TRAPPC10: variants seen among roughly 807,000 people sequenced by gnomAD.
TRAPPC10 encodes the protein trafficking protein particle complex subunit 10, also known as TRAPP 130 kDa subunit.
TRAPPC10 carries 23 observed loss-of-function variants against 125.5 expected under a neutral mutation model. The observed-to-expected ratio is 0.18, with a 90% CI of 0.13 to 0.26. TRAPPC10 has a LOEUF of 0.26. Ranked by LOEUF, TRAPPC10 falls within the 10% of genes least tolerant of loss-of-function variation. The pLI, the probability that TRAPPC10 is intolerant of heterozygous loss-of-function variation, is 1.00. For missense variants in TRAPPC10, 1,123 were observed against 1,308.4 expected (o/e 0.86, Z 2.19); for synonymous variants, 509 against 518.0 (o/e 0.98, Z 0.24).
chr21:44,052,211 G>A, intron 3 of TRAPPC10, 69 bp from the exon 4 acceptor site: 1 of 1,337,076 alleles, frequency 7.5e-7, no homozygotes, highest in Non-Finnish European at 1.0e-6. Context: ...GCTGTTATTA[G>A]GCACATTTTG....
intron 1 of TRAPPC10, among the ~76,000 whole-genome samples, chr21:44,028,947 G>T (rs2238708): frequency 0.36 from 54,975 of 152,164 alleles, 15,522 homozygotes; most frequent in African/African-American, 0.79. Context: ...AGTTCAGCCC[G>T]CAGAGCTCTA....
At chr21:44,020,441 A>G (rs2032387386) in intron 1 of TRAPPC10, among the ~76,000 whole-genome samples, 1 of 151,932 alleles carries the variant, frequency 6.6e-6, no homozygotes, top group Non-Finnish European at 1.5e-5. Flanking sequence ...TCTTATTTTT[A>G]ACTGAGATCT....
intron 19 of TRAPPC10, 95 bp from the exon 20 acceptor site, chr21:44,093,968 A>C (rs780582133): frequency 2.2e-4 from 304 of 1,360,726 alleles, no homozygotes; most frequent in Non-Finnish European, 2.9e-4. Flanking sequence ...GTGTCTGCTC[A>C]GCACCCTTCG....
intron 3 of TRAPPC10, among the ~76,000 whole-genome samples, chr21:44,050,387 A>T (rs1601663066): frequency 9.1e-6 from 1 of 109,982 alleles, no homozygotes; most frequent in South Asian, 2.7e-4. Context: ...TGGAGCCAGG[A>T]CTCCTTCTGG....
At chr21:44,076,416 C>T in intron 9 of TRAPPC10, 136 bp from the exon 10 acceptor site, 1 of 629,130 alleles carries the variant, frequency 1.6e-6, no homozygotes, top group South Asian at 1.9e-5. Flanking sequence ...CATGTAGTTT[C>T]CGTTGGCATT....
chr21:44,034,331 AAC>A (rs1491428642), intron 2 of TRAPPC10, among the ~76,000 whole-genome samples: 6 of 24,740 alleles, frequency 2.4e-4, no homozygotes, highest in Admixed American at 9.0e-4. Flanking sequence ...CCACTCCCCC[AAC>A]CCCCCCCCCC....
At chr21:44,062,831 G>C (rs934242670) in intron 6 of TRAPPC10, 39 of 985,322 alleles carry the variant, frequency 4.0e-5, no homozygotes, top group Non-Finnish European at 4.6e-5. Context: ...GAATGAACTG[G>C]TTATGACACC....
At position 44,029,424 on chromosome 21, in the gene TRAPPC10, C is replaced by T. The variant is rs140618745; in HGVS notation, c.68-2667C>T. 4.2e-3 allele frequency among the ~76,000 whole-genome samples: 638 copies of T among 152,298 alleles called. 4 individuals carry two copies. The highest frequency in any genetic ancestry group is 5.1e-3 in the Non-Finnish European group (348 of 68,024). On this transcript the variant is annotated intron_variant, in intron 1 of 22. Coordinates refer to ENST00000291574, the MANE Select transcript of TRAPPC10 (RefSeq NM_003274.5). Reference sequence around the variant, plus strand: ...TCACCATCTTTCATGTGCTGGTTCTCCATACCCCATTTTCAAAGGCATCTC... The same window carrying T: ...TCACCATCTTTCATGTGCTGGTTCTTCATACCCCATTTTCAAAGGCATCTC...
chr21:44,055,977 T>A, intron 5 of TRAPPC10, 84 bp downstream of exon 5: 1 of 1,213,500 alleles, frequency 8.2e-7, no homozygotes, highest in Non-Finnish European at 1.1e-6. Context: ...TCTTTCTAAG[T>A]AAGGCACCTC....
intron 20 of TRAPPC10, among the ~76,000 whole-genome samples, chr21:44,094,993 TTAAA>T (rs1317990997): frequency 6.7e-6 from 1 of 149,894 alleles, no homozygotes; most frequent in Admixed American, 6.7e-5. Flanking sequence ...CCACAAATTA[TTAAA>T]TAATTTAATT....
intron 1 of TRAPPC10, among the ~76,000 whole-genome samples, chr21:44,026,092 G>C (rs1269417898): frequency 1.3e-5 from 2 of 152,076 alleles, no homozygotes; most frequent in African/African-American, 4.8e-5. Flanking sequence ...GTCTATGCTA[G>C]AAATGTGGAG....
chr21:44,045,030 G>A (rs191190954), intron 3 of TRAPPC10, among the ~76,000 whole-genome samples: 2 of 152,060 alleles, frequency 1.3e-5, no homozygotes, highest in Non-Finnish European at 2.9e-5. Flanking sequence ...CGCCTCCCGG[G>A]TTCAAGCGAT....
At chr21:44,021,236 A>C (rs1354842141) in intron 1 of TRAPPC10, among the ~76,000 whole-genome samples, 1 of 152,138 alleles carries the variant, frequency 6.6e-6, no homozygotes, top group Non-Finnish European at 1.5e-5. Flanking sequence ...GGCTGTTTTC[A>C]TCAGTGAGCA....
At position 44,063,196 on chromosome 21, in the gene TRAPPC10, G is replaced by A; in HGVS notation, c.791-342G>A. The A allele has an allele frequency of 7.8e-7, 1 of 1,285,430 alleles. No individual in the cohort carries two copies. Among genetic ancestry groups the A allele is most frequent in the South Asian group, 1.3e-5 (1 of 75,110 alleles). 79.6% of individuals were successfully genotyped at this position (1,285,430 alleles called of 1,614,324 possible). A position where few individuals can be genotyped will look rare whatever the true frequency, so the allele number is the denominator to read the frequency against. ...AAAGATAAGGAAGCCCAGCCCCGCT[G>A]CAGCCTAAGACTAGAGCCCTCCCTC... On this transcript the variant is annotated intron_variant, in intron 6 of 22. Transcript: ENST00000291574. This position sits in a 1 kb window ranked among gnomAD's most constrained non-coding sequence, Gnocchi z 4.4.
At chr21:44,023,935 G>A (rs2032812614) in intron 1 of TRAPPC10, among the ~76,000 whole-genome samples, 1 of 152,108 alleles carries the variant, frequency 6.6e-6, no homozygotes, top group Non-Finnish European at 1.5e-5. Context: ...ACAGGTGCAT[G>A]CCATCACATC....
At chr21:44,100,855 TAAATC>T (rs915224898) in intron 21 of TRAPPC10, among the ~76,000 whole-genome samples, 21 of 45,764 alleles carry the variant, frequency 4.6e-4, no homozygotes, top group African/African-American at 9.3e-4. Flanking sequence ...CTGCTAAAAT[TAAATC>T]AAGAACCAAC....
chr21:44,067,515 C>T (rs2036538679), intron 7 of TRAPPC10, among the ~76,000 whole-genome samples: 1 of 152,114 alleles, frequency 6.6e-6, no homozygotes, highest in African/African-American at 2.4e-5. Flanking sequence ...ACTGATGGCT[C>T]ACTGGACAAA....
intron 1 of TRAPPC10, among the ~76,000 whole-genome samples, chr21:44,026,932 T>A (rs1401468594): frequency 6.6e-6 from 1 of 152,180 alleles, no homozygotes; most frequent in Non-Finnish European, 1.5e-5. Flanking sequence ...TCTCACCCAT[T>A]AGTGCTCTGG....
At chr21:44,091,798 C>T in intron 18 of TRAPPC10, 125 bp from the exon 19 acceptor site, 1 of 926,322 alleles carries the variant, frequency 1.1e-6, no homozygotes, top group Admixed American at 2.7e-5. Context: ...TATGCAACAA[C>T]TTAGCTTACT....
Sources: allele counts gnomAD v4.1 joint callset (sites outside exome capture counted in the v4.1 genomes callset), GRCh38; gene constraint gnomAD v4.1.1; non-coding constraint Gnocchi (gnomAD v3.1); transcripts MANE v1.5; gene names NCBI Gene and HGNC (gene_info 2026-07-23, HGNC 2026-07-21).